ROBO2: variants seen among roughly 807,000 people sequenced by gnomAD.
ROBO2 encodes the protein roundabout homolog 2.
A neutral mutation model predicts 160.8 loss-of-function variants in ROBO2; 53 were observed. That is an observed-to-expected ratio of 0.33 (90% confidence interval 0.26 to 0.41). ROBO2 has a LOEUF of 0.41. Ranked by LOEUF, ROBO2 falls within the 10% of genes least tolerant of loss-of-function variation. ROBO2 has a pLI of 1.00. For missense variants in ROBO2, 1,577 were observed against 1,722.4 expected (o/e 0.92, Z 1.49); for synonymous variants, 664 against 611.7 (o/e 1.09, Z -1.26).
At chr3:75,913,692 G>A (rs1337484691) in intron 1 of ROBO2, among the ~76,000 whole-genome samples, 1 of 152,074 alleles carries the variant, frequency 6.6e-6, no homozygotes, top group Non-Finnish European at 1.5e-5. Context: ...GGATTACTTA[G>A]GTTTAAATTA....
intron 2 of ROBO2, among the ~76,000 whole-genome samples, chr3:77,385,405 G>A (rs2073994774): frequency 6.6e-6 from 1 of 152,114 alleles, no homozygotes; most frequent in South Asian, 2.1e-4. Flanking sequence ...GTAATGTGCA[G>A]TTATTTTAAA....
intron 2 of ROBO2, among the ~76,000 whole-genome samples, chr3:77,364,094 C>A (rs1268438806): frequency 7.2e-5 from 11 of 152,170 alleles, no homozygotes; most frequent in Non-Finnish European, 1.5e-5. Context: ...GGGCTGACAT[C>A]TTCTATAATG....
intron 2 of ROBO2, among the ~76,000 whole-genome samples, chr3:76,397,002 G>A (rs1353508434): frequency 1.3e-5 from 2 of 152,236 alleles, no homozygotes; most frequent in Admixed American, 1.3e-4. Flanking sequence ...CCAAAAAAGA[G>A]CCTTCATCGC....
chr3:76,586,321 C>G (rs994537518), intron 2 of ROBO2, among the ~76,000 whole-genome samples: 1 of 152,166 alleles, frequency 6.6e-6, no homozygotes, highest in Non-Finnish European at 1.5e-5. Context: ...ATTTACAAGA[C>G]TATTTTCAAG....
intron 2 of ROBO2, among the ~76,000 whole-genome samples, chr3:76,094,865 T>C (rs1041495207): frequency 6.6e-6 from 1 of 152,216 alleles, no homozygotes; most frequent in East Asian, 1.9e-4. Context: ...TGTAGATGCT[T>C]TGTACTATCA....
chr3:76,146,659 T>A (rs181365296), intron 2 of ROBO2, among the ~76,000 whole-genome samples: 125 of 150,830 alleles, frequency 8.3e-4, no homozygotes, highest in African/African-American at 2.9e-3. Flanking sequence ...ATTATATTAA[T>A]AGTCCCCATT....
At chr3:76,182,797 G>T (rs1212719360) in intron 2 of ROBO2, among the ~76,000 whole-genome samples, 1 of 152,084 alleles carries the variant, frequency 6.6e-6, no homozygotes, top group Non-Finnish European at 1.5e-5. Flanking sequence ...TCCCAAAGTG[G>T]TGTTAGTTTT....
At chr3:76,822,176 T>C (rs1172557237) in intron 2 of ROBO2, among the ~76,000 whole-genome samples, 1 of 151,992 alleles carries the variant, frequency 6.6e-6, no homozygotes, top group African/African-American at 2.4e-5. Flanking sequence ...CTGGGTGTTC[T>C]TTTGTAAAAT....
chr3:76,499,614 G>A (rs1399558698), intron 2 of ROBO2, among the ~76,000 whole-genome samples: 1 of 152,142 alleles, frequency 6.6e-6, no homozygotes. Context: ...AGAATGAAAA[G>A]GCACCTGTTC....
intron 2 of ROBO2, among the ~76,000 whole-genome samples, chr3:76,179,237 G>T (rs1193983384): frequency 1.3e-5 from 2 of 152,084 alleles, no homozygotes; most frequent in Non-Finnish European, 2.9e-5. Context: ...AACAACATGG[G>T]TGTGGTCACT....
intron 2 of ROBO2, among the ~76,000 whole-genome samples, chr3:76,215,407 T>C (rs1703443438): frequency 6.6e-6 from 1 of 151,904 alleles, no homozygotes; most frequent in African/African-American, 2.4e-5. Flanking sequence ...AGTTAAAAAC[T>C]TTGAAAAAAA....
intron 2 of ROBO2, among the ~76,000 whole-genome samples, chr3:76,761,964 T>A (rs1560516477): frequency 6.6e-6 from 1 of 151,650 alleles, no homozygotes; most frequent in Non-Finnish European, 1.5e-5. Context: ...AACTTTTTTT[T>A]ATCTAATAAG....
intron 2 of ROBO2, among the ~76,000 whole-genome samples, chr3:75,940,156 C>A (rs150546326): frequency 6.6e-6 from 1 of 152,168 alleles, no homozygotes; most frequent in African/African-American, 2.4e-5. Flanking sequence ...ACTGGGGAGT[C>A]CCAATGTTCC....
chr3:77,501,373 G>T (rs1337924056), intron 5 of ROBO2, among the ~76,000 whole-genome samples: 1 of 152,084 alleles, frequency 6.6e-6, no homozygotes, highest in African/African-American at 2.4e-5. Context: ...ACAATTTGTG[G>T]TTAGAATCAT....
At chr3:77,107,965 C>G (rs1381057617) in intron 2 of ROBO2, among the ~76,000 whole-genome samples, 1 of 151,840 alleles carries the variant, frequency 6.6e-6, no homozygotes, top group Non-Finnish European at 1.5e-5. Context: ...TTTGCTTATT[C>G]AAATTGAACA....
chr3:76,555,418 A>AAT (rs879848225), intron 2 of ROBO2, among the ~76,000 whole-genome samples: 1 of 80,098 alleles, frequency 1.2e-5, no homozygotes, highest in Non-Finnish European at 2.8e-5. Context: ...GAAGAAGAAG[A>AAT]AAGAAGGAGA....
chr3:75,947,324 G>A lies in ROBO2; in HGVS notation c.109+9722G>A, dbSNP rs183458449. Among the ~76,000 whole-genome samples the A allele has an allele frequency of 1.4e-3, 210 of 152,248 alleles. 2 individuals carry two copies. The highest frequency in any genetic ancestry group is 0.013 in the South Asian group (64 of 4,830). On this transcript the variant is annotated intron_variant, in intron 2 of 26. Transcript: ENST00000487694. Reference sequence around the variant, plus strand: ...TAGATAATCATAGCCTATACATCATGCCTAAAGTCATGAATCTAGGTGAGG... The same window carrying A: ...TAGATAATCATAGCCTATACATCATACCTAAAGTCATGAATCTAGGTGAGG...
chr3:76,129,972 AAGTT>A lies in ROBO2; in HGVS notation c.109+192372_109+192375del, dbSNP rs573662534. 6.9e-3 allele frequency among the ~76,000 whole-genome samples: 1,051 copies of A among 152,234 alleles called. 14 individuals carry two copies. The highest frequency in any genetic ancestry group is 0.025 in the African/African-American group (1,020 of 41,562). ...TATAAAAATAGCATAAACTAAAAGA[AAGTT>A]AATAAAAAACATATGAGAAGGTTTT... On this transcript the variant is annotated intron_variant, in intron 2 of 26. Transcript: ENST00000487694.
chr3:77,008,916 A>T (rs901149677), intron 2 of ROBO2, among the ~76,000 whole-genome samples: 1 of 152,200 alleles, frequency 6.6e-6, no homozygotes, highest in Admixed American at 6.5e-5. Flanking sequence ...GCAGAAGCTC[A>T]ATAACAATTT....
Sources: gnomAD v4.1 joint callset for allele counts (sites outside exome capture counted in the v4.1 genomes callset) on GRCh38, gnomAD v4.1.1 for gene constraint, MANE v1.5 for transcripts, NCBI Gene and HGNC (gene_info 2026-07-23, HGNC 2026-07-21) for gene names.